SCHIP1: variants seen among roughly 807,000 people sequenced by gnomAD.
SCHIP1 encodes the protein schwannomin-interacting protein 1.
Under a neutral mutation model 29.7 loss-of-function variants are expected in SCHIP1, and 8 were observed. That is an observed-to-expected ratio of 0.27 (90% CI 0.16 to 0.49). The LOEUF is 0.49. Among genes scored for constraint, SCHIP1 ranks in the 20% least tolerant of loss-of-function variants. The pLI is 0.99. For missense variants in SCHIP1, 193 were observed against 294.6 expected (o/e 0.66, Z 2.52); for synonymous variants, 76 against 94.9 (o/e 0.80, Z 1.16).
the SCHIP1 span, among the ~76,000 whole-genome samples, chr3:159,637,371 C>CCACACACACACA: frequency 2.8e-3 from 379 of 134,652 alleles, 2 homozygotes; most frequent in African/African-American, 5.6e-3. Context: ...CCGGCCCCAG[C>CCACACACACACA]CACACACACA....
At chr3:159,630,558 T>C in the SCHIP1 span, among the ~76,000 whole-genome samples, 1 of 152,160 alleles carries the variant, frequency 6.6e-6, no homozygotes, top group Non-Finnish European at 1.5e-5. Flanking sequence ...TGGAGACCCT[T>C]ATTCTAAATG....
At chr3:159,323,332 CT>C in the SCHIP1 span, among the ~76,000 whole-genome samples, 1 of 152,190 alleles carries the variant, frequency 6.6e-6, no homozygotes, top group South Asian at 2.1e-4. Flanking sequence ...ATTTCTTAGT[CT>C]CCCACTTTGT....
the SCHIP1 span, among the ~76,000 whole-genome samples, chr3:159,300,014 A>G: frequency 6.7e-6 from 1 of 149,648 alleles, no homozygotes. Context: ...TCAGAAGGTG[A>G]CTGTGGAGTG....
chr3:159,693,016 A>C, the SCHIP1 span, among the ~76,000 whole-genome samples: 10 of 152,338 alleles, frequency 6.6e-5, no homozygotes, highest in African/African-American at 2.4e-4. Flanking sequence ...TGTTATTGCA[A>C]TAATTGTAGA....
the SCHIP1 span, among the ~76,000 whole-genome samples, chr3:159,316,490 G>A: frequency 6.6e-6 from 1 of 152,118 alleles, no homozygotes; most frequent in Admixed American, 6.6e-5. Context: ...TGACTCAAAT[G>A]TCAATCTCTA....
At chr3:159,299,649 A>G in the SCHIP1 span, among the ~76,000 whole-genome samples, 9 of 152,160 alleles carry the variant, frequency 5.9e-5, no homozygotes, top group Non-Finnish European at 8.8e-5. Flanking sequence ...TTCTGTTGCC[A>G]TTGCATTACT....
the SCHIP1 span, among the ~76,000 whole-genome samples, chr3:159,503,829 C>A: frequency 1.3e-5 from 2 of 152,150 alleles, no homozygotes; most frequent in African/African-American, 4.8e-5. Flanking sequence ...ATTAACCTAA[C>A]ATTTACTGAG....
intron 2 of SCHIP1, among the ~76,000 whole-genome samples, chr3:159,867,905 C>T (rs1403524467): frequency 6.6e-6 from 1 of 150,650 alleles, no homozygotes; most frequent in East Asian, 2.0e-4. Context: ...TTTTAGAAGC[C>T]CAATCTCTCT....
At chr3:159,402,968 C>A in the SCHIP1 span, among the ~76,000 whole-genome samples, 1 of 151,880 alleles carries the variant, frequency 6.6e-6, no homozygotes, top group Non-Finnish European at 1.5e-5. Flanking sequence ...AAATATCTCC[C>A]CCGTAAGTTC....
At chr3:159,431,938 A>T in the SCHIP1 span, among the ~76,000 whole-genome samples, 1 of 151,894 alleles carries the variant, frequency 6.6e-6, no homozygotes. Context: ...TAGGTCATTT[A>T]CCTTTTTATC....
chr3:159,782,751 G>A, the SCHIP1 span, among the ~76,000 whole-genome samples: 47 of 152,330 alleles, frequency 3.1e-4, no homozygotes, highest in African/African-American at 1.0e-3. Flanking sequence ...TTCAATGTGC[G>A]CTGCTCTCTT....
chr3:159,302,173 G>T, the SCHIP1 span, among the ~76,000 whole-genome samples: 1 of 152,130 alleles, frequency 6.6e-6, no homozygotes, highest in African/African-American at 2.4e-5. Context: ...GGTTGCTAGG[G>T]GTAGTGAGGA....
chr3:159,618,108 A>T, the SCHIP1 span, among the ~76,000 whole-genome samples: 1 of 152,338 alleles, frequency 6.6e-6, no homozygotes, highest in Admixed American at 6.5e-5. Flanking sequence ...CTTCAAAATG[A>T]CCCTGTGTAG....
intron 1 of SCHIP1, among the ~76,000 whole-genome samples, chr3:159,856,948 C>G (rs1436816592): frequency 6.6e-6 from 1 of 152,176 alleles, no homozygotes; most frequent in Non-Finnish European, 1.5e-5. Flanking sequence ...CAGCCGTCGA[C>G]CTCCATTAAC....
chr3:159,710,992 T>C, the SCHIP1 span, among the ~76,000 whole-genome samples: 10 of 152,208 alleles, frequency 6.6e-5, no homozygotes, highest in East Asian at 1.9e-3. Flanking sequence ...AAAACTTGAC[T>C]TGAAAGAAAT....
chr3:159,657,685 G>T, the SCHIP1 span, among the ~76,000 whole-genome samples: 1 of 152,224 alleles, frequency 6.6e-6, no homozygotes, highest in South Asian at 2.1e-4. Flanking sequence ...TAAAAGAGAT[G>T]TTAGCCTCCT....
At chr3:159,778,323 A>T in the SCHIP1 span, among the ~76,000 whole-genome samples, 82 of 135,068 alleles carry the variant, frequency 6.1e-4, 1 homozygote, top group Middle Eastern at 0.014. Context: ...GTTTTTTTTT[A>T]AAAAACTTAT....
At chr3:159,278,269 A>AG in the SCHIP1 span, among the ~76,000 whole-genome samples, 1 of 152,210 alleles carries the variant, frequency 6.6e-6, no homozygotes, top group African/African-American at 2.4e-5. Context: ...AAAAGGAGTA[A>AG]GGGGAAAACT....
chr3:159,520,371 G>A, the SCHIP1 span, among the ~76,000 whole-genome samples: 6 of 152,128 alleles, frequency 3.9e-5, no homozygotes, highest in African/African-American at 1.2e-4. Flanking sequence ...ACGGCCTAGC[G>A]TATCCATAAA....
Sources: allele counts gnomAD v4.1 joint callset (sites outside exome capture counted in the v4.1 genomes callset), GRCh38; gene constraint gnomAD v4.1.1; transcripts MANE v1.5; gene names NCBI Gene and HGNC (gene_info 2026-07-23, HGNC 2026-07-21).